NUDT13: variants seen among roughly 807,000 people sequenced by gnomAD.
The protein encoded by NUDT13 is NAD(P)H pyrophosphatase NUDT13, mitochondrial.
Under a neutral mutation model 41.7 loss-of-function variants are expected in NUDT13, and 40 were observed. That is an observed-to-expected ratio of 0.96 (90% confidence interval 0.75 to 1.25). The LOEUF is 1.25. NUDT13 is among the 50% of genes most tolerant of loss of function. The probability of loss-of-function intolerance (pLI) is 0.00; values close to 1 mark genes in which losing one functional copy is unlikely to be tolerated. For synonymous variants in NUDT13, 145 were observed against 155.5 expected (o/e 0.93, Z 0.50); for missense variants, 390 against 416.1 (o/e 0.94, Z 0.55).
At chr10:73,127,694 A>G (rs1448129600) in intron 8 of NUDT13, among the ~76,000 whole-genome samples, 1 of 150,730 alleles carries the variant, frequency 6.6e-6, no homozygotes, top group Non-Finnish European at 1.5e-5. Context: ...CATCACTTAC[A>G]AAAGTTTCCT....
Position 73,125,482 on chromosome 10 carries a change from T to C in NUDT13, c.676T>C (p.Ser226Pro), listed in dbSNP as rs767074150. 3.1e-6 allele frequency: 5 copies of C among 1,607,470 alleles called. No individual in the cohort carries two copies. The highest frequency in any genetic ancestry group is 2.7e-5 in the African/African-American group (2 of 74,770). ...AAGCTCCTTTCCCAAGGGAATGTATTCTGCCTTGGCAGGTTTTTGTGATAT... is the reference window on the plus strand; with the variant it reads ...AAGCTCCTTTCCCAAGGGAATGTATCCTGCCTTGGCAGGTTTTTGTGATAT... ...RQSSFPKGMY[S>P]ALAGFCDIGE... is the part of the protein sequence containing the mutation. Residue 226 changes from serine (S) to proline (P), a missense_variant, in exon 7 of 9, where the codon TCT becomes CCT. Transcript: ENST00000357321.
rs376657498 is a variant in NUDT13 at position 73,120,143 on chromosome 10, G to C, written c.209G>C (p.Arg70Pro). The C allele has an allele frequency of 5.6e-6, 9 of 1,614,106 alleles. No individual in the cohort carries two copies. In the South Asian group the frequency reaches 8.8e-5, roughly 16 times the overall value. Residue 70 changes from arginine to proline, a missense_variant, in exon 3 of 9, where the codon CGG (arginine) becomes CCG (proline). By Grantham distance (103) the Arg-to-Pro change is moderately radical. Coordinates refer to ENST00000357321, the MANE Select transcript of NUDT13 (RefSeq NM_015901.6). ...QTSAHQYLAP[R>P]HSLLELERLL... ...TCAGCACATCAATACCTGGCCCCCC[G>C]GCACAGCCTGTTAGGTAAGTCCAGA...
rs2133238386 is a variant in NUDT13 at position 73,130,986 on chromosome 10, G to C, written c.*83G>C. ...AGTTGACAAAGGAGAAGTGACAAAAGATAAGCTGCAGAAGGACCTCAGAAG... is the reference window on the plus strand; with the variant it reads ...AGTTGACAAAGGAGAAGTGACAAAACATAAGCTGCAGAAGGACCTCAGAAG... On this transcript the variant is annotated 3_prime_UTR_variant, in exon 9 of 9. Transcript: ENST00000357321. The C allele has an allele frequency of 8.0e-7, 1 of 1,242,786 alleles. No homozygotes were observed. Among genetic ancestry groups the C allele is most frequent in the East Asian group, 2.4e-5 (1 of 41,986 alleles). The allele number at this position is 1,242,786 out of a possible 1,614,324, so 77.0% of individuals were successfully genotyped here. A position where few individuals can be genotyped will look rare whatever the true frequency, so the allele number is the denominator to read the frequency against.
In NUDT13 at chr10:73,131,003, C is replaced by T; in HGVS notation, c.*100C>T. 2.0e-6 allele frequency: 2 copies of T among 1,000,178 alleles called. No individual in the cohort carries two copies. 62.0% of individuals were successfully genotyped at this position (1,000,178 alleles called of 1,614,324 possible). A position where few individuals can be genotyped will look rare whatever the true frequency, so the allele number is the denominator to read the frequency against. On this transcript the variant is annotated 3_prime_UTR_variant, in exon 9 of 9. Transcript: ENST00000357321. ...TGACAAAAGATAAGCTGCAGAAGGA[C>T]CTCAGAAGGGCAGAGCAAAGGGTGA...
intron 8 of NUDT13, among the ~76,000 whole-genome samples, chr10:73,128,921 G>A (rs1179482744): frequency 6.6e-6 from 1 of 152,134 alleles, no homozygotes. Flanking sequence ...TGCATATGAT[G>A]TAAGATAACG....
At chr10:73,115,785 C>T (rs1004426073) in intron 2 of NUDT13, among the ~76,000 whole-genome samples, 1 of 151,754 alleles carries the variant, frequency 6.6e-6, no homozygotes, top group Admixed American at 6.6e-5. Flanking sequence ...GTAGATAACC[C>T]CACCCCCTTC....
intron 8 of NUDT13, among the ~76,000 whole-genome samples, chr10:73,129,380 G>T (rs1279825886): frequency 6.6e-6 from 1 of 151,358 alleles, no homozygotes; most frequent in East Asian, 2.0e-4. Context: ...CACCATGTTG[G>T]CCAGGCTGGT....
intron 8 of NUDT13, chr10:73,130,027 T>G (rs1043282148): frequency 6.6e-6 from 1 of 152,098 alleles, no homozygotes; most frequent in Non-Finnish European, 1.5e-5. Flanking sequence ...ATTGAAAAAT[T>G]TATACAATCA....
At chr10:73,126,623 T>G (rs748198957) in intron 7 of NUDT13, 50 bp from the exon 8 acceptor site, 34 of 1,591,726 alleles carry the variant, frequency 2.1e-5, no homozygotes, top group Non-Finnish European at 2.8e-5. Context: ...GCTGTCTGTA[T>G]CACCCTTCTA....
rs146433677 is a variant in NUDT13, at chr10:73,125,134, G to A, written c.482G>A (p.Arg161His). 1.8e-4 allele frequency: 293 copies of A among 1,610,040 alleles called. 2 individuals carry two copies. In the African/African-American group the frequency reaches 2.8e-3, roughly 15 times the overall value. ...TGTTCCTAGGCTCAAGCTCTTCTCC[G>A]CTGGCATGATGCTCATCAGTTCTGC... The part of the protein sequence containing the change: ...SLLSTAQALL[R>H]WHDAHQFCSR... Residue 161 changes from arginine to histidine, a missense_variant, in exon 6 of 9, where the codon CGC becomes CAC. By Grantham distance (29) the Arg-to-His change is conservative (BLOSUM62 0). Transcript: ENST00000357321.
At chr10:73,119,430 T>C (rs1842589480) in intron 2 of NUDT13, 8 of 933,572 alleles carry the variant, frequency 8.6e-6, no homozygotes, top group Non-Finnish European at 1.0e-5. Flanking sequence ...GAAGGTAAAA[T>C]TTGTTCTTTA....
chr10:73,130,641 C>A, intron 8 of NUDT13, 62 bp from the exon 9 acceptor site: 1 of 1,349,492 alleles, frequency 7.4e-7, no homozygotes, highest in Non-Finnish European at 1.1e-6. Context: ...TGACCTTTGG[C>A]CATAGTATTC....
chr10:73,131,565 C>T lies in NUDT13; in HGVS notation c.*662C>T, dbSNP rs1258394884. Reference sequence around the variant, plus strand: ...AGTAAATCTTTTTCGCTGTTTTCAGCTCTGTCACATGCTCAGTTTGTGACC... The same window carrying T: ...AGTAAATCTTTTTCGCTGTTTTCAGTTCTGTCACATGCTCAGTTTGTGACC... On this transcript the variant is annotated 3_prime_UTR_variant, in exon 9 of 9. Coordinates refer to ENST00000357321, the MANE Select transcript of NUDT13 (RefSeq NM_015901.6). 6.6e-6 allele frequency: 1 copy of T among 152,586 alleles called. No individual in the cohort carries two copies. The highest frequency in any genetic ancestry group is 1.9e-4 in the East Asian group (1 of 5,202). The allele number at this position is 152,586 out of a possible 1,614,324, so 9.5% of individuals were successfully genotyped here.
At chr10:73,116,702 A>C (rs1447957202) in intron 2 of NUDT13, among the ~76,000 whole-genome samples, 1 of 151,976 alleles carries the variant, frequency 6.6e-6, no homozygotes. Context: ...AGATCGTGTC[A>C]TTGCACTCTA....
chr10:73,123,218 T>C (rs555443169), intron 4 of NUDT13, among the ~76,000 whole-genome samples: 76 of 152,334 alleles, frequency 5.0e-4, no homozygotes, highest in African/African-American at 1.8e-3. Flanking sequence ...TATATTTCAG[T>C]ATTTCATAAG....
rs544922477 is a variant in NUDT13 at position 73,131,091 on chromosome 10, A to C, written c.*188A>C. 1 of 491,178 alleles carries C rather than the reference A, an allele frequency of 2.0e-6. No individual in the cohort carries two copies. Among genetic ancestry groups the C allele is most frequent in the Non-Finnish European group, 3.7e-6 (1 of 268,630 alleles). The allele number at this position is 491,178 out of a possible 1,614,324, so 30.4% of individuals were successfully genotyped here. A position where few individuals can be genotyped will look rare whatever the true frequency, so the allele number is the denominator to read the frequency against. ...AAGAAATTCCTACCAATGGGCAATCAAAAAAGCCAGTGTGAGAAGAAAACT... is the reference window on the plus strand; with the variant it reads ...AAGAAATTCCTACCAATGGGCAATCCAAAAAGCCAGTGTGAGAAGAAAACT... On this transcript the variant is annotated 3_prime_UTR_variant, in exon 9 of 9. Transcript: ENST00000357321.
chr10:73,121,231 G>A (rs79388816), intron 3 of NUDT13, among the ~76,000 whole-genome samples: 7,303 of 152,012 alleles, frequency 0.048, 553 homozygotes, highest in African/African-American at 0.16. Flanking sequence ...AAAATTAGTC[G>A]AGCCTTGTGG....
At chr10:73,122,985 T>C (rs1010923072) in intron 4 of NUDT13, among the ~76,000 whole-genome samples, 8 of 151,648 alleles carry the variant, frequency 5.3e-5, no homozygotes, top group South Asian at 2.1e-4. Flanking sequence ...GCCACAACCT[T>C]CGCCTCCCAG....
intron 8 of NUDT13, among the ~76,000 whole-genome samples, chr10:73,127,647 A>T (rs1255944065): frequency 6.6e-6 from 1 of 151,318 alleles, no homozygotes; most frequent in Non-Finnish European, 1.5e-5. Flanking sequence ...CCTTGAAATT[A>T]TCAAACCGTC....
Sources: gnomAD v4.1 joint callset for allele counts (sites outside exome capture counted in the v4.1 genomes callset) on GRCh38, gnomAD v4.1.1 for gene constraint, MANE v1.5 for transcripts, NCBI Gene and HGNC (gene_info 2026-07-23, HGNC 2026-07-21) for gene names.